The following PKNOX2 variants were observed in gnomAD, a reference collection of about 807,000 sequenced individuals.
PKNOX2 encodes the protein PBX/knotted 1 homeobox 2.
PKNOX2 carries 14 observed loss-of-function variants against 53.1 expected under a neutral mutation model. The ratio of observed to expected loss-of-function variants is 0.26; its 90% CI spans 0.17 to 0.41. The LOEUF is 0.41. PKNOX2 is among the 10% of genes least tolerant of loss of function. The pLI, the probability that PKNOX2 is intolerant of heterozygous loss-of-function variation, is 1.00. For synonymous variants in PKNOX2, 257 were observed against 242.8 expected, an observed-to-expected ratio of 1.06 and a Z score of -0.54; for missense variants, 496 against 602.8, an observed-to-expected ratio of 0.82 and a Z score of 1.85.
rs1316397801 is a variant in PKNOX2 at position 125,166,938 on chromosome 11, G to A, written c.-201+2162G>A. ...TCCTCCCCGCCCCAAATCTGAGAAT[G>A]ATGGTGTTCAAACATAACACGGTGT... On this transcript the variant is annotated intron_variant, in intron 1 of 12. Coordinates refer to ENST00000298282, the MANE Select transcript of PKNOX2 (RefSeq NM_001382323.2). This position sits in a 1 kb window ranked among gnomAD's most constrained non-coding sequence, Gnocchi z 4.0. Among the ~76,000 whole-genome samples the A allele has an allele frequency of 6.6e-6, 1 of 152,150 alleles. No individual in the cohort carries two copies.
chr11:125,224,247 C>T (rs1463427619), intron 1 of PKNOX2, among the ~76,000 whole-genome samples: 4 of 152,262 alleles, frequency 2.6e-5, no homozygotes, highest in Non-Finnish European at 2.9e-5. Flanking sequence ...CCCATCCAGC[C>T]GGTGCCACCC....
In PKNOX2 at chr11:125,203,548, GGGACA is replaced by G. The variant is rs536793729; in HGVS notation, c.-200-31492_-200-31488del. 3.7e-3 allele frequency among the ~76,000 whole-genome samples: 564 copies of G among 152,336 alleles called. 9 individuals are homozygous for G. The highest frequency in any genetic ancestry group is 0.013 in the African/African-American group (524 of 41,582). ...GGGCAGAGCTGTACAGTGTTCTTTG[GGGACA>G]GGACTGCAAGGCCTCAGTTTTTTCT... is the stretch of plus-strand genomic sequence containing the variant. On this transcript the variant is annotated intron_variant, in intron 1 of 12. Transcript: ENST00000298282.
chr11:125,348,906 G>A (rs542729456), intron 3 of PKNOX2, among the ~76,000 whole-genome samples: 2 of 152,256 alleles, frequency 1.3e-5, no homozygotes, highest in South Asian at 4.2e-4. Context: ...TTCCTGAGGC[G>A]GCTCCCACCC....
At chr11:125,178,633 AGAAAGAAAGAAAGAAG>A (rs1955905192) in intron 1 of PKNOX2, among the ~76,000 whole-genome samples, 1 of 85,108 alleles carries the variant, frequency 1.2e-5, no homozygotes. Context: ...AAAGAAAGAA[AGAAAGAAAGAAAGAAG>A]GAAGGAAGGA....
intron 1 of PKNOX2, among the ~76,000 whole-genome samples, chr11:125,232,273 G>GT (rs1166507667): frequency 6.6e-6 from 1 of 152,322 alleles, no homozygotes; most frequent in East Asian, 1.9e-4. Context: ...TACATCTCTA[G>GT]TTTTTTCTAC....
rs1319747351 is a variant in PKNOX2, at chr11:125,398,056, C to G, written c.582C>G (p.His194Gln). The G allele has an allele frequency of 6.2e-7, 1 of 1,610,726 alleles. No homozygotes were observed. The highest frequency in any genetic ancestry group is 8.5e-7 in the Non-Finnish European group (1 of 1,178,290). Residue 194 changes from histidine (H) to glutamine (Q), a missense_variant, in exon 7 of 13, where the codon CAC (histidine) becomes CAG (glutamine). By Grantham distance (24) the His-to-Gln change is conservative (BLOSUM62 0). This residue lies in a region of PKNOX2 where 141 missense variants were observed against 143.9 expected (regional missense o/e 0.98). Coordinates refer to ENST00000298282, the MANE Select transcript of PKNOX2 (RefSeq NM_001382323.2). ...CCAACCAGCCCTCCATCAACCTTCA[C>G]TCACAGGTAACACCCAGAGCTGGGT... ...YSPNQPSINL[H>Q]SQDLLQNSPN...
chr11:125,238,987 A>C (rs188476471), intron 2 of PKNOX2, among the ~76,000 whole-genome samples: 2 of 152,160 alleles, frequency 1.3e-5, no homozygotes, highest in African/African-American at 4.8e-5. Context: ...CAGGACTGCT[A>C]TGAGGACTCA....
intron 2 of PKNOX2, among the ~76,000 whole-genome samples, chr11:125,329,378 C>T (rs1319520512): frequency 6.6e-6 from 1 of 152,154 alleles, no homozygotes; most frequent in Non-Finnish European, 1.5e-5. Flanking sequence ...GAAGCATTTG[C>T]TATTTTTTAA....
intron 2 of PKNOX2, among the ~76,000 whole-genome samples, chr11:125,270,624 GA>G (rs888917208): frequency 2.0e-5 from 3 of 151,812 alleles, no homozygotes; most frequent in Non-Finnish European, 2.9e-5. Context: ...TAATACACTC[GA>G]AAAAAAATTG....
intron 2 of PKNOX2, among the ~76,000 whole-genome samples, chr11:125,326,925 A>G (rs1423983877): frequency 1.3e-5 from 2 of 152,228 alleles, no homozygotes; most frequent in Non-Finnish European, 2.9e-5. Flanking sequence ...AGGATTCACA[A>G]ACATCAGCTA....
intron 4 of PKNOX2, among the ~76,000 whole-genome samples, chr11:125,362,158 G>GC (rs911202002): frequency 6.6e-6 from 1 of 151,996 alleles, no homozygotes. Flanking sequence ...TCTAATTGGA[G>GC]CCCCCCTACA....
chr11:125,186,848 CTT>C (rs1414847087), intron 1 of PKNOX2, among the ~76,000 whole-genome samples: 1 of 152,054 alleles, frequency 6.6e-6, no homozygotes, highest in Non-Finnish European at 1.5e-5. Flanking sequence ...AGCTTTAACT[CTT>C]ATATTTAGGT....
intron 2 of PKNOX2, among the ~76,000 whole-genome samples, chr11:125,321,582 C>T (rs1391998543): frequency 6.6e-6 from 1 of 152,178 alleles, no homozygotes; most frequent in African/African-American, 2.4e-5. Flanking sequence ...GTTGAATCAG[C>T]AGATGTGGAA....
At chr11:125,399,186 G>T (rs1032082896) in intron 7 of PKNOX2, among the ~76,000 whole-genome samples, 1 of 152,204 alleles carries the variant, frequency 6.6e-6, no homozygotes, top group East Asian at 1.9e-4. Context: ...GTACTGCCCA[G>T]GACATAGGGC....
chr11:125,397,773 G>A (rs1954498088), intron 6 of PKNOX2, 101 bp from the exon 7 acceptor site: 3 of 1,231,854 alleles, frequency 2.4e-6, no homozygotes, highest in Non-Finnish European at 3.4e-6. Flanking sequence ...GCTACGGCAG[G>A]GGGTGGGCTC....
chr11:125,198,630 C>T (rs114621409), intron 1 of PKNOX2, among the ~76,000 whole-genome samples: 2,906 of 152,150 alleles, frequency 0.019, 86 homozygotes, highest in African/African-American at 0.065. Context: ...CTCGAGTTTC[C>T]GACCTGTGAT....
At chr11:125,363,531 C>T (rs992807922) in intron 4 of PKNOX2, among the ~76,000 whole-genome samples, 1 of 152,218 alleles carries the variant, frequency 6.6e-6, no homozygotes, top group Non-Finnish European at 1.5e-5. Context: ...CATCATTCAA[C>T]CTTGCCTCTC....
intron 1 of PKNOX2, among the ~76,000 whole-genome samples, chr11:125,189,447 G>GTATATATA (rs58968290): frequency 1.7e-4 from 4 of 23,460 alleles, no homozygotes; most frequent in Admixed American, 4.7e-4. Flanking sequence ...GTGTGTGTGT[G>GTATATATA]TATATATATA....
intron 1 of PKNOX2, among the ~76,000 whole-genome samples, chr11:125,219,367 G>A (rs1940888736): frequency 6.6e-6 from 1 of 151,980 alleles, no homozygotes; most frequent in Non-Finnish European, 1.5e-5. Flanking sequence ...GAACCTGGGA[G>A]GCAGAGGTTG....
Sources: allele counts gnomAD v4.1 joint callset (sites outside exome capture counted in the v4.1 genomes callset), GRCh38; gene constraint gnomAD v4.1.1; regional missense constraint gnomAD v4.1.1; non-coding constraint Gnocchi (gnomAD v3.1); transcripts MANE v1.5; gene names NCBI Gene and HGNC (gene_info 2026-07-23, HGNC 2026-07-21).